The following GTF2H2C variants were observed in gnomAD, a reference collection of about 807,000 sequenced individuals.
The protein encoded by GTF2H2C is general transcription factor IIH subunit 2-like protein.
GTF2H2C carries 5 observed loss-of-function variants against 24.8 expected under a neutral mutation model. The ratio of observed to expected loss-of-function variants is 0.20; its 90% CI spans 0.11 to 0.42. The LOEUF (loss-of-function observed/expected upper bound fraction) is 0.42, where lower values mean the gene tolerates loss of function less well. Ranked by LOEUF, GTF2H2C falls within the 20% of genes least tolerant of loss-of-function variation. The pLI, the probability that GTF2H2C is intolerant of heterozygous loss-of-function variation, is 1.00. For missense variants in GTF2H2C, 45 were observed against 169.8 expected (o/e 0.27, Z 4.08); for synonymous variants, 14 against 52.6 (o/e 0.27, Z 3.18).
intron 2 of GTF2H2C, among the ~76,000 whole-genome samples, chr5:69,564,720 T>G (rs1373450186): frequency 6.9e-6 from 1 of 145,612 alleles, no homozygotes; most frequent in Non-Finnish European, 1.5e-5. Context: ...TATGAGAAAA[T>G]TGAGACATAC....
In GTF2H2C at chr5:69,561,423, GC is replaced by G. The variant is rs1203289875; in HGVS notation, c.-132+1022del. On this transcript the variant is annotated intron_variant, in intron 1 of 16. Transcript: ENST00000380729. ...AAAAAGGTTAGCTGTGGTGGCGTGT[GC>G]CTTAATCTCAGCTATTCGGGAGACA... Among the ~76,000 whole-genome samples, 221 of 140,822 alleles carry G rather than the reference GC, an allele frequency of 1.6e-3. 2 individuals are homozygous for G. Among genetic ancestry groups the G allele is most frequent in the African/African-American group, 5.8e-3 (215 of 37,000 alleles). The allele number at this position is 140,822 out of a possible 152,430, so 92.4% of individuals were successfully genotyped here. A position where few individuals can be genotyped will look rare whatever the true frequency, so the allele number is the denominator to read the frequency against.
In GTF2H2C at chr5:69,572,428, C is replaced by T. The variant is rs28635515; in HGVS notation, c.365-17C>T. 0.24 allele frequency: 135,115 copies of T among 564,336 alleles called. 50,763 individuals carry two copies. The highest frequency in any genetic ancestry group is 0.36 in the South Asian group (10,787 of 29,624). 35.0% of individuals were successfully genotyped at this position (564,336 alleles called of 1,614,324 possible). ...TAATATATAGGATTTTATTTAAAGA[C>T]CTTATTTCTATTTTAGGAAACCCAA... On this transcript the variant is annotated splice_polypyrimidine_tract_variant and intron_variant, in intron 8 of 16. Transcript: ENST00000380729.
At chr5:69,566,421 G>A (rs1156553220) in intron 4 of GTF2H2C, 168 bp from the exon 5 acceptor site, 15 of 1,291,818 alleles carry the variant, frequency 1.2e-5, no homozygotes, top group East Asian at 5.0e-5. Flanking sequence ...TATGTGTATT[G>A]TATTCCATAA....
intron 2 of GTF2H2C, among the ~76,000 whole-genome samples, chr5:69,563,221 T>G (rs143661971): frequency 0.58 from 77,042 of 133,742 alleles, 24,116 homozygotes; most frequent in South Asian, 0.75. Context: ...TTTTTTTTTT[T>G]TTTTTTTTTT....
chr5:69,566,159 T>A lies in GTF2H2C; in HGVS notation c.85T>A (p.Ser29Thr). Residue 29 changes from serine to threonine, a missense_variant, in exon 4 of 17, where the codon TCA (serine) becomes ACA (threonine). Coordinates refer to ENST00000380729, the MANE Select transcript of GTF2H2C (RefSeq NM_001376000.2). ...WEILKEDESG[S>T]LKATIEDILF... ...GATTCTTAAAGAAGATGAATCTGGA[T>A]CACTTAAAGCTACAATAGAAGACAT... 1 of 1,603,122 alleles carries A rather than the reference T, an allele frequency of 6.2e-7. No homozygotes were observed. The highest frequency in any genetic ancestry group is 8.5e-7 in the Non-Finnish European group (1 of 1,175,284).
rs1485435913 is a variant in GTF2H2C, at chr5:69,566,464, A to T, written c.135-125A>T. On this transcript the variant is annotated intron_variant, in intron 4 of 16. Coordinates refer to ENST00000380729, the MANE Select transcript of GTF2H2C (RefSeq NM_001376000.2). ...ATTTACTCCACTAAAAATGCACGTTATGACATTCTTAATCAGAATTAGAAA... is the reference window on the plus strand; with the variant it reads ...ATTTACTCCACTAAAAATGCACGTTTTGACATTCTTAATCAGAATTAGAAA... 2.0e-6 allele frequency: 3 copies of T among 1,507,320 alleles called. No homozygotes were observed. In the Admixed American group the frequency reaches 6.4e-5, roughly 32 times the overall value. 93.4% of individuals were successfully genotyped at this position (1,507,320 alleles called of 1,614,324 possible). A position where few individuals can be genotyped will look rare whatever the true frequency, so the allele number is the denominator to read the frequency against.
chr5:69,564,980 A>G, intron 2 of GTF2H2C, 120 bp from the exon 3 acceptor site: 1 of 749,174 alleles, frequency 1.3e-6, no homozygotes, highest in Admixed American at 2.9e-5. Context: ...AAATACAAAG[A>G]ATAAGATGAC....
intron 15 of GTF2H2C, among the ~76,000 whole-genome samples, chr5:69,589,875 C>CT (rs1160077149): frequency 0.063 from 3,773 of 60,328 alleles, 13 homozygotes; most frequent in Non-Finnish European, 0.071. Context: ...TATTGCTATT[C>CT]TTTTTTTTTT....
intron 2 of GTF2H2C, among the ~76,000 whole-genome samples, chr5:69,563,206 TG>T: frequency 8.7e-6 from 1 of 115,310 alleles, no homozygotes; most frequent in Non-Finnish European, 1.8e-5. Flanking sequence ...ATACCCGGCC[TG>T]GTTTTTTTTT....
At chr5:69,563,457 G>T (rs1309513481) in intron 2 of GTF2H2C, among the ~76,000 whole-genome samples, 1 of 151,916 alleles carries the variant, frequency 6.6e-6, no homozygotes, top group Non-Finnish European at 1.5e-5. Context: ...CAGGTGATCC[G>T]CACCTTGTCC....
chr5:69,569,769 G>A (rs1473784174), intron 8 of GTF2H2C: 2 of 82,344 alleles, frequency 2.4e-5, no homozygotes, highest in African/African-American at 6.0e-5. Context: ...CCGCCTCCCG[G>A]GTTCAAGAGA....
chr5:69,561,868 C>G (rs1162739431), intron 1 of GTF2H2C, among the ~76,000 whole-genome samples: 1 of 151,832 alleles, frequency 6.6e-6, no homozygotes, highest in Non-Finnish European at 1.5e-5. Flanking sequence ...CGCCTGAACT[C>G]AAGCAATCCT....
intron 2 of GTF2H2C, among the ~76,000 whole-genome samples, chr5:69,563,177 A>G: frequency 6.7e-6 from 1 of 149,618 alleles, no homozygotes; most frequent in Admixed American, 6.7e-5. Context: ...AAGTGCTAGA[A>G]TTACAGATGT....
intron 1 of GTF2H2C, among the ~76,000 whole-genome samples, chr5:69,561,827 G>C (rs1227809995): frequency 6.7e-6 from 1 of 150,340 alleles, no homozygotes; most frequent in East Asian, 2.0e-4. Flanking sequence ...ATGTTTTGTA[G>C]AGACAAGGTT....
rs564107703 is a variant in GTF2H2C, at chr5:69,563,630, C to T, written c.-34+860C>T. Among the ~76,000 whole-genome samples the T allele has an allele frequency of 9.8e-4, 149 of 152,088 alleles. 1 individual carries two copies. Among genetic ancestry groups the T allele is most frequent in the Non-Finnish European group, 7.8e-4 (53 of 68,008 alleles). On this transcript the variant is annotated intron_variant, in intron 2 of 16. Coordinates refer to ENST00000380729, the MANE Select transcript of GTF2H2C (RefSeq NM_001376000.2). The stretch of plus-strand genomic sequence containing the variant: ...TTGAGGTTTGGTATACAAATGATCC[C>T]GTCACCCTGGTAGTAAACATAGTAC...
At chr5:69,564,986 A>G in intron 2 of GTF2H2C, 114 bp from the exon 3 acceptor site, 1 of 836,768 alleles carries the variant, frequency 1.2e-6, no homozygotes, top group Non-Finnish European at 1.9e-6. Flanking sequence ...AAAGAATAAG[A>G]TGACCTGGCA....
At chr5:69,580,255 G>A (rs1156501815) in intron 12 of GTF2H2C, among the ~76,000 whole-genome samples, 183 of 138,594 alleles carry the variant, frequency 1.3e-3, no homozygotes, top group Middle Eastern at 3.6e-3. Context: ...TTAGCCAGGC[G>A]TGGTGGCGGG....
chr5:69,560,860 C>A (rs1308645520), intron 1 of GTF2H2C, among the ~76,000 whole-genome samples: 1 of 151,940 alleles, frequency 6.6e-6, no homozygotes, highest in Non-Finnish European at 1.5e-5. Context: ...CGGGTTCAAG[C>A]GATTCTCCTT....
chr5:69,566,239 G>C (rs1198258955), intron 4 of GTF2H2C, 31 bp downstream of exon 4: 4 of 1,607,136 alleles, frequency 2.5e-6, no homozygotes, highest in African/African-American at 1.3e-5. Context: ...TCTTAAAAAG[G>C]TAAAATATAT....
Sources: allele counts gnomAD v4.1 joint callset (sites outside exome capture counted in the v4.1 genomes callset), GRCh38; gene constraint gnomAD v4.1.1; transcripts MANE v1.5; gene names NCBI Gene and HGNC (gene_info 2026-07-23, HGNC 2026-07-21).